Variants in EXOSC10 observed in about 807,000 individuals in gnomAD.
EXOSC10 encodes exosome complex component 10.
A neutral mutation model predicts 126.6 loss-of-function variants in EXOSC10; 94 were observed. The ratio of observed to expected loss-of-function variants is 0.74; its 90% CI spans 0.63 to 0.88. The LOEUF (loss-of-function observed/expected upper bound fraction) is 0.88. Ranked by LOEUF, EXOSC10 falls within the 40% of genes least tolerant of loss-of-function variation. EXOSC10 has a pLI of 0.00. For missense variants in EXOSC10, 1,041 were observed against 1,100.5 expected (o/e 0.95, Z 0.77); for synonymous variants, 395 against 400.8 (o/e 0.99, Z 0.17).
chr1:11,086,632 G>A lies in EXOSC10; in HGVS notation c.1089+816C>T, dbSNP rs569156933. On this transcript the variant is annotated intron_variant, in intron 9 of 24. Transcript: ENST00000376936. ...ATAACAAACTATCTCTCAGACCACA[G>A]TGCAATCAAACTAGAACTCAGGATT... 6.6e-5 allele frequency among the ~76,000 whole-genome samples: 10 copies of A among 152,218 alleles called. No individual in the cohort carries two copies. In the East Asian group the frequency reaches 1.9e-3, roughly 29 times the overall value.
At chr1:11,095,961 A>T in intron 2 of EXOSC10, 80 bp from the exon 3 acceptor site, 1 of 1,424,840 alleles carries the variant, frequency 7.0e-7, no homozygotes, top group Non-Finnish European at 9.6e-7. Flanking sequence ...TGTTCAAATG[A>T]TGTGGCTCAG....
chr1:11,079,957 C>G, intron 13 of EXOSC10, 135 bp from the exon 14 acceptor site: 1 of 713,550 alleles, frequency 1.4e-6, no homozygotes, highest in Non-Finnish European at 2.4e-6. Flanking sequence ...TAAGGAAACA[C>G]TGATGTCAGG....
chr1:11,072,089 G>C lies in EXOSC10; in HGVS notation c.2240C>G (p.Thr747Arg), dbSNP rs755203894. The change falls in exon 20 of 25, where the codon ACA becomes AGA. Residue 747 changes from threonine to arginine, a missense_variant and splice_region_variant. By Grantham distance (71) the Thr-to-Arg change is moderately conservative (BLOSUM62 -1). Around this residue, in one of 3 missense-constraint regions of EXOSC10, gnomAD observed 388 missense variants for 415.2 expected, o/e 0.93. Coordinates refer to ENST00000376936, the MANE Select transcript of EXOSC10 (RefSeq NM_001001998.3). ...AGTTGCAAGGAAGTGAGTGTTACCTGTTTGCTCAGCTGCCTTCTTCTTGAC... is the reference window on the plus strand; with the variant it reads ...AGTTGCAAGGAAGTGAGTGTTACCTCTTTGCTCAGCTGCCTTCTTCTTGAC... ...EAVKKKAAEQ[T>R]AAREQAKEAC... The C allele has an allele frequency of 1.4e-5, 22 of 1,612,534 alleles. No homozygotes were observed. Among genetic ancestry groups the C allele is most frequent in the Non-Finnish European group, 1.3e-5 (15 of 1,179,248 alleles).
rs770965502 is a variant in EXOSC10, at chr1:11,073,877, C to CAAAAAAAA, written c.2157+49_2157+56dup. On this transcript the variant is annotated intron_variant, in intron 19 of 24. Coordinates refer to ENST00000376936, the MANE Select transcript of EXOSC10 (RefSeq NM_001001998.3). The stretch of plus-strand genomic sequence containing the variant: ...TGGGTGACAAAGCGAGACTCCATCT[C>CAAAAAAAA]AAAAAAAAAAAAAAAAAAAAAAAGT... The CAAAAAAAA allele has an allele frequency of 1.1e-5, 6 of 539,096 alleles. 1 individual carries two copies. The highest frequency in any genetic ancestry group is 7.1e-5 in the South Asian group (3 of 42,082). 33.4% of individuals were successfully genotyped at this position (539,096 alleles called of 1,614,324 possible).
At chr1:11,069,791 A>G (rs2791653) in intron 21 of EXOSC10, 61 bp from the exon 22 acceptor site, 1,193,359 of 1,574,910 alleles carry the variant, frequency 0.76, 458,586 homozygotes, top group East Asian at 0.94. Flanking sequence ...AGGGAACTCC[A>G]CCGGCCTCAG....
intron 20 of EXOSC10, 198 bp downstream of exon 20, chr1:11,071,889 C>T (rs565688589): frequency 6.5e-5 from 35 of 535,410 alleles, no homozygotes; most frequent in African/African-American, 6.5e-4. Flanking sequence ...TACAGCACCT[C>T]CAGCACTCCC....
chr1:11,071,475 G>A (rs981814458), intron 20 of EXOSC10: 11 of 166,758 alleles, frequency 6.6e-5, no homozygotes, highest in Non-Finnish European at 1.3e-4. Flanking sequence ...CTGCTCCCAC[G>A]CTGGTCTCAA....
Position 11,070,923 on chromosome 1 carries a change from T to C in EXOSC10, c.2293A>G (p.Ile765Val), listed in dbSNP as rs752989060. 5 of 1,614,164 alleles carry C rather than the reference T, an allele frequency of 3.1e-6. No individual in the cohort carries two copies. In the South Asian group the frequency reaches 5.5e-5, roughly 18 times the overall value. Residue 765 changes from isoleucine to valine, a missense_variant, in exon 21 of 25, where the codon ATC (isoleucine) becomes GTC (valine). This residue lies in a region of EXOSC10 where 388 missense variants were observed against 415.2 expected (regional missense o/e 0.93). Coordinates refer to ENST00000376936, the MANE Select transcript of EXOSC10 (RefSeq NM_001001998.3). ...EACKAAAEQA[I>V]SVRQQVVLEN... ...ACCACGACCTGCTGTCGGACGGAGA[T>C]GGCCTGTTCTGCTGCAGCTTTGCAC... is the stretch of plus-strand genomic sequence containing the variant.
intron 14 of EXOSC10, 37 bp downstream of exon 14, chr1:11,079,674 G>A (rs144662222): frequency 0.038 from 58,874 of 1,551,570 alleles, 2,133 homozygotes; most frequent in East Asian, 0.14. Context: ...GATTATAGGC[G>A]TGAGCCACTG....
chr1:11,068,204 C>T, intron 23 of EXOSC10, 120 bp from the exon 24 acceptor site: 3 of 744,032 alleles, frequency 4.0e-6, no homozygotes, highest in Non-Finnish European at 6.8e-6. Flanking sequence ...TTTAGATCCC[C>T]TGAGAGAGGA....
chr1:11,095,886 G>C lies in EXOSC10; in HGVS notation c.249-5C>G. On this transcript the variant is annotated splice_region_variant and splice_polypyrimidine_tract_variant and intron_variant, in intron 2 of 24. Transcript: ENST00000376936. Reference sequence around the variant, plus strand: ...TACTGCATTACTCTGCTCATGCTAAGGAAAGGAAAACCAAGGTTAGCTTGT... The same window carrying C: ...TACTGCATTACTCTGCTCATGCTAACGAAAGGAAAACCAAGGTTAGCTTGT... 1.2e-6 allele frequency: 2 copies of C among 1,609,208 alleles called. No individual in the cohort carries two copies. Among genetic ancestry groups the C allele is most frequent in the Non-Finnish European group, 1.7e-6 (2 of 1,176,810 alleles).
At chr1:11,079,350 C>G (rs866615815) in intron 14 of EXOSC10, among the ~76,000 whole-genome samples, 2 of 135,046 alleles carry the variant, frequency 1.5e-5, no homozygotes, top group Non-Finnish European at 1.6e-5. Flanking sequence ...AACAAACAAA[C>G]AAAAAAAAAA....
At chr1:11,089,680 A>G (rs1227216273) in intron 6 of EXOSC10, among the ~76,000 whole-genome samples, 1 of 151,502 alleles carries the variant, frequency 6.6e-6, no homozygotes, top group Non-Finnish European at 1.5e-5. Flanking sequence ...AGCTCTGGCC[A>G]GGCACAGTGG....
At chr1:11,084,842 T>C (rs1640400707) in intron 9 of EXOSC10, among the ~76,000 whole-genome samples, 1 of 152,212 alleles carries the variant, frequency 6.6e-6, no homozygotes, top group Non-Finnish European at 1.5e-5. Context: ...GCTTTCTACA[T>C]ATGGCTAGCC....
chr1:11,069,607 CTT>C lies in EXOSC10; in HGVS notation c.2438_2439del (p.Lys813ArgfsTer28). On this transcript the variant is annotated frameshift_variant, in exon 22 of 25. Transcript: ENST00000376936. LOFTEE classifies it high-confidence loss of function. ...TGGCTGTAGTCGTAAGGCGTAAACT[CTT>C]TTTCTGGTGGCTCTGGGTCCTTTGG... ...KKPKDPEPPE[K>X]EFTPYDYSQS... 5 of 1,614,196 alleles carry C rather than the reference CTT, an allele frequency of 3.1e-6. No homozygotes were observed. The highest frequency in any genetic ancestry group is 3.4e-6 in the Non-Finnish European group (4 of 1,180,040).
intron 6 of EXOSC10, among the ~76,000 whole-genome samples, chr1:11,089,604 A>C (rs1640687962): frequency 6.7e-6 from 1 of 150,078 alleles, no homozygotes; most frequent in African/African-American, 2.5e-5. Flanking sequence ...CTGAGCAACA[A>C]GAGCGAAACT....
In EXOSC10 at chr1:11,068,036, T is replaced by C; in HGVS notation, c.2599A>G (p.Met867Val). 1 of 1,614,130 alleles carries C rather than the reference T, an allele frequency of 6.2e-7. No homozygotes were observed. The highest frequency in any genetic ancestry group is 2.2e-5 in the East Asian group (1 of 44,884). Residue 867 changes from methionine (M) to valine (V), a missense_variant, in exon 24 of 25, where the codon ATG (methionine) becomes GTG (valine). Around this residue, in one of 3 missense-constraint regions of EXOSC10, gnomAD observed 388 missense variants for 415.2 expected, o/e 0.93. Coordinates refer to ENST00000376936, the MANE Select transcript of EXOSC10 (RefSeq NM_001001998.3). ...TCTGACTTTCCAGTTGGAAAGGACATGCTTTTGTTTCCCACCGACTGTTTA... is the reference window on the plus strand; with the variant it reads ...TCTGACTTTCCAGTTGGAAAGGACACGCTTTTGTTTCCCACCGACTGTTTA... ...KIKQSVGNKS[M>V]SFPTGKSDRG...
intron 5 of EXOSC10, 96 bp downstream of exon 5, chr1:11,090,902 AACAAAGGAGGGTGGGC>A: frequency 8.7e-7 from 1 of 1,155,054 alleles, no homozygotes; most frequent in Non-Finnish European, 1.2e-6. Flanking sequence ...GCTCCCTTTG[AACAAAGGAGGGTGGGC>A]TCCCTTTGAA....
At chr1:11,068,181 G>A in intron 23 of EXOSC10, 97 bp from the exon 24 acceptor site, 6 of 918,120 alleles carry the variant, frequency 6.5e-6, no homozygotes, top group Non-Finnish European at 1.1e-5. Context: ...GATTCTAGCA[G>A]CACAGGAGTG....
Sources: gnomAD v4.1 joint callset for allele counts (sites outside exome capture counted in the v4.1 genomes callset) on GRCh38, gnomAD v4.1.1 for gene constraint, gnomAD v4.1.1 regional missense constraint, MANE v1.5 for transcripts, NCBI Gene and HGNC (gene_info 2026-07-23, HGNC 2026-07-21) for gene names.